LRRC4C: variants seen among roughly 807,000 people sequenced by gnomAD.
The protein encoded by LRRC4C is leucine rich repeat containing 4C, also known as leucine-rich repeat-containing protein 4C.
A neutral mutation model predicts 33.6 loss-of-function variants in LRRC4C; 5 were observed. The observed-to-expected ratio is 0.15, with a 90% CI of 0.08 to 0.31. The LOEUF is 0.31. LRRC4C is among the 10% of genes least tolerant of loss of function. LRRC4C has a pLI of 1.00. For synonymous variants in LRRC4C, 329 were observed against 302.0 expected (o/e 1.09, Z -0.93); for missense variants, 560 against 796.7 (o/e 0.70, Z 3.58).
intron 3 of LRRC4C, among the ~76,000 whole-genome samples, chr11:40,363,820 C>T (rs1051362677): frequency 7.2e-5 from 11 of 152,214 alleles, no homozygotes; most frequent in African/African-American, 2.2e-4. Flanking sequence ...CCAATGAACA[C>T]TGTTTCTAAG....
chr11:40,455,037 G>GTCATC (rs1423327209), intron 3 of LRRC4C, among the ~76,000 whole-genome samples: 2 of 152,086 alleles, frequency 1.3e-5, no homozygotes, highest in Non-Finnish European at 2.9e-5. Flanking sequence ...GCATGAGAAG[G>GTCATC]TCATCTGTCA....
At chr11:40,936,056 ATATATAT>A (rs1957879082) in intron 1 of LRRC4C, among the ~76,000 whole-genome samples, 1 of 97,730 alleles carries the variant, frequency 1.0e-5, no homozygotes, top group Admixed American at 1.1e-4. Flanking sequence ...ATATATATAT[ATATATAT>A]ATAACATAGT....
intron 2 of LRRC4C, among the ~76,000 whole-genome samples, chr11:40,648,733 G>A (rs551922566): frequency 5.9e-5 from 9 of 152,294 alleles, no homozygotes; most frequent in African/African-American, 2.2e-4. Flanking sequence ...ACACTGTCTA[G>A]CAGATGCTTT....
intron 1 of LRRC4C, among the ~76,000 whole-genome samples, chr11:41,251,708 C>A (rs1431493152): frequency 6.6e-6 from 1 of 152,140 alleles, no homozygotes; most frequent in Admixed American, 6.5e-5. Flanking sequence ...CGTGCCTTGC[C>A]TCTTCACTAC....
At chr11:40,821,937 A>G (rs1461337836) in intron 2 of LRRC4C, among the ~76,000 whole-genome samples, 1 of 151,834 alleles carries the variant, frequency 6.6e-6, no homozygotes. Flanking sequence ...TGAGACATGC[A>G]GATAATGCAT....
At chr11:40,640,559 GT>G (rs1565588782) in intron 3 of LRRC4C, among the ~76,000 whole-genome samples, 1 of 151,488 alleles carries the variant, frequency 6.6e-6, no homozygotes, top group Non-Finnish European at 1.5e-5. Context: ...TTTTAAATAG[GT>G]TATAACAATA....
intron 4 of LRRC4C, among the ~76,000 whole-genome samples, chr11:40,246,458 T>C (rs1030255093): frequency 1.3e-5 from 2 of 152,194 alleles, no homozygotes; most frequent in African/African-American, 2.4e-5. Context: ...TAACATGGCA[T>C]TTCATTTAGA....
chr11:40,806,689 T>C (rs1477588795), intron 2 of LRRC4C, among the ~76,000 whole-genome samples: 1 of 152,242 alleles, frequency 6.6e-6, no homozygotes, highest in Non-Finnish European at 1.5e-5. Flanking sequence ...TATATTTACA[T>C]GTGAGTCACA....
At chr11:41,320,522 C>T (rs920342100) in intron 1 of LRRC4C, among the ~76,000 whole-genome samples, 1 of 152,164 alleles carries the variant, frequency 6.6e-6, no homozygotes, top group Non-Finnish European at 1.5e-5. Flanking sequence ...CCACGTAACA[C>T]ACACATACAT....
At chr11:40,584,177 C>CATATATATAT (rs371413523) in intron 3 of LRRC4C, among the ~76,000 whole-genome samples, 1,178 of 71,232 alleles carry the variant, frequency 0.017, 116 homozygotes, top group Non-Finnish European at 0.02. Context: ...ACGCACACTT[C>CATATATATAT]ATATATATAT....
intron 4 of LRRC4C, among the ~76,000 whole-genome samples, chr11:40,252,837 A>G (rs1866894917): frequency 6.6e-6 from 1 of 152,186 alleles, no homozygotes; most frequent in South Asian, 2.1e-4. Flanking sequence ...GTGCATTATA[A>G]AAGCACTTTC....
intron 2 of LRRC4C, among the ~76,000 whole-genome samples, chr11:40,672,392 G>T (rs534572314): frequency 3.3e-5 from 5 of 152,290 alleles, no homozygotes; most frequent in East Asian, 1.9e-4. Context: ...GCATATGAAT[G>T]TTGATGTACA....
At chr11:41,292,704 TGCA>T (rs1950026009) in intron 1 of LRRC4C, among the ~76,000 whole-genome samples, 2 of 152,172 alleles carry the variant, frequency 1.3e-5, no homozygotes, top group Non-Finnish European at 2.9e-5. Context: ...AGTAACATAT[TGCA>T]GCTTATTCCC....
chr11:40,183,035 G>C (rs1861130581), intron 5 of LRRC4C, among the ~76,000 whole-genome samples: 1 of 152,092 alleles, frequency 6.6e-6, no homozygotes, highest in Non-Finnish European at 1.5e-5. Context: ...TTCATTACCT[G>C]AGCTATTAAC....
chr11:40,761,264 A>T lies in LRRC4C; in HGVS notation c.-406-112986T>A, dbSNP rs1420018948. Among the ~76,000 whole-genome samples the T allele has an allele frequency of 2.6e-5, 4 of 152,246 alleles. No homozygotes were observed. In the South Asian group the frequency reaches 8.3e-4, roughly 32 times the overall value. On this transcript the variant is annotated intron_variant, in intron 2 of 6. Transcript: ENST00000528697. ...TATGCCACATAATGAAGGTTGTATC[A>T]TCATCTTAAAATTGCAGTGTTAACT... is the stretch of plus-strand genomic sequence containing the variant.
intron 1 of LRRC4C, among the ~76,000 whole-genome samples, chr11:41,393,346 T>A (rs1217102826): frequency 6.6e-6 from 1 of 151,822 alleles, no homozygotes; most frequent in Non-Finnish European, 1.5e-5. Context: ...AGATTAGGAA[T>A]AAAAGTGTGC....
chr11:41,208,935 G>A (rs886900468), intron 1 of LRRC4C, among the ~76,000 whole-genome samples: 6 of 152,152 alleles, frequency 3.9e-5, no homozygotes, highest in Non-Finnish European at 8.8e-5. Flanking sequence ...GAGCTGAGAA[G>A]GTGGGGCTGC....
At position 41,244,544 on chromosome 11, in the gene LRRC4C, CAGAGAT is replaced by C. The variant is rs1948378172; in HGVS notation, c.-496+214881_-496+214886del. Among the ~76,000 whole-genome samples, 4 of 152,156 alleles carry C rather than the reference CAGAGAT, an allele frequency of 2.6e-5. No individual in the cohort carries two copies. The South Asian group carries it at 8.3e-4, about 32-fold the overall frequency. On this transcript the variant is annotated intron_variant, in intron 1 of 6. Transcript: ENST00000528697. The stretch of plus-strand genomic sequence containing the variant: ...AGGGAAGGTTGTGAAGTCAAAGCAA[CAGAGAT>C]AAAGAATGAAGGTGGCAATTGTATC...
intron 1 of LRRC4C, among the ~76,000 whole-genome samples, chr11:41,283,402 C>A (rs956936963): frequency 6.6e-6 from 1 of 152,044 alleles, no homozygotes; most frequent in Non-Finnish European, 1.5e-5. Flanking sequence ...GTGAATAATG[C>A]ATGGATTAGT....
Sources: allele counts gnomAD v4.1 joint callset (sites outside exome capture counted in the v4.1 genomes callset), GRCh38; gene constraint gnomAD v4.1.1; transcripts MANE v1.5; gene names NCBI Gene and HGNC (gene_info 2026-07-23, HGNC 2026-07-21).